CBFA2T2: variants seen among roughly 807,000 people sequenced by gnomAD.
CBFA2T2 encodes protein CBFA2T2.
A neutral mutation model predicts 62.2 loss-of-function variants in CBFA2T2; 11 were observed. That is an observed-to-expected ratio of 0.18 (90% CI 0.11 to 0.29). CBFA2T2 has a LOEUF of 0.29. Among genes scored for constraint, CBFA2T2 ranks in the 10% least tolerant of loss-of-function variants. The probability of loss-of-function intolerance (pLI) is 1.00; values close to 1 mark genes in which losing one functional copy is unlikely to be tolerated. For missense variants in CBFA2T2, 592 were observed against 774.1 expected, an observed-to-expected ratio of 0.76 and a Z score of 2.79; for synonymous variants, 295 against 287.5, an observed-to-expected ratio of 1.03 and a Z score of -0.27.
intron 5 of CBFA2T2, chr20:33,623,964 A>AG (rs1555847316): frequency 3.1e-5 from 19 of 604,364 alleles, no homozygotes; most frequent in African/African-American, 2.8e-4. Context: ...GAAAAAAAAA[A>AG]AAAAGAAAAG....
chr20:33,614,757 A>G (rs2015648462), intron 3 of CBFA2T2, among the ~76,000 whole-genome samples: 1 of 152,224 alleles, frequency 6.6e-6, no homozygotes, highest in African/African-American at 2.4e-5. Context: ...TTTAAGGCTA[A>G]TATTTCATTT....
chr20:33,644,068 C>T (rs1226875469), intron 10 of CBFA2T2, among the ~76,000 whole-genome samples: 1 of 151,696 alleles, frequency 6.6e-6, no homozygotes, highest in East Asian at 1.9e-4. Flanking sequence ...CTGCCCTAGG[C>T]TGGTGCTGTG....
chr20:33,503,400 G>A (rs189649864), intron 1 of CBFA2T2, among the ~76,000 whole-genome samples: 3 of 151,254 alleles, frequency 2.0e-5, no homozygotes, highest in African/African-American at 4.9e-5. Context: ...GATTACAGGC[G>A]CCCGCCATCA....
intron 1 of CBFA2T2, among the ~76,000 whole-genome samples, chr20:33,507,305 G>A (rs1290846217): frequency 1.1e-4 from 16 of 152,158 alleles, no homozygotes; most frequent in Non-Finnish European, 2.2e-4. Context: ...GAGATTGATA[G>A]CTTCAGTACC....
chr20:33,592,416 ATTATGTAAAAATTATATAT>A (rs2014696852), intron 1 of CBFA2T2, among the ~76,000 whole-genome samples: 1 of 147,600 alleles, frequency 6.8e-6, no homozygotes. Flanking sequence ...TATATATATA[ATTATGTAAAAATTATATAT>A]AATTATGTAA....
rs2017050393 is a variant in CBFA2T2, at chr20:33,646,380, C to G, written c.*1734C>G. The G allele has an allele frequency of 6.6e-6, 1 of 152,284 alleles. No homozygotes were observed. The allele number at this position is 152,284 out of a possible 1,614,324, so 9.4% of individuals were successfully genotyped here. On this transcript the variant is annotated 3_prime_UTR_variant, in exon 11 of 11. Coordinates refer to ENST00000342704, the MANE Select transcript of CBFA2T2 (RefSeq NM_001032999.3). ...TTTGAGCCTCTGGCATCCTCTCACA[C>G]CCAGAAATCAGTTGGAGTAAGTTTA...
intron 1 of CBFA2T2, among the ~76,000 whole-genome samples, chr20:33,526,163 A>G (rs1293309464): frequency 6.6e-6 from 1 of 152,248 alleles, no homozygotes; most frequent in Non-Finnish European, 1.5e-5. Flanking sequence ...CTGGGATTAC[A>G]GGCGTGAGCC....
At chr20:33,497,547 C>CTTTTTTTT (rs756491939) in intron 1 of CBFA2T2, among the ~76,000 whole-genome samples, 1 of 114,656 alleles carries the variant, frequency 8.7e-6, no homozygotes, top group African/African-American at 3.4e-5. Context: ...AGCTTGTATA[C>CTTTTTTTT]TTTTTTTTTT....
intron 3 of CBFA2T2, among the ~76,000 whole-genome samples, chr20:33,618,174 T>TG (rs2015781021): frequency 2.6e-5 from 2 of 76,352 alleles, no homozygotes; most frequent in Admixed American, 3.4e-4. Context: ...TATATTTTCC[T>TG]TTTTTTTTTT....
intron 1 of CBFA2T2, among the ~76,000 whole-genome samples, chr20:33,567,332 A>G (rs934746325): frequency 1.7e-4 from 26 of 152,280 alleles, no homozygotes; most frequent in African/African-American, 6.3e-4. Context: ...GCAGTTCTGT[A>G]TATGTATACA....
intron 1 of CBFA2T2, among the ~76,000 whole-genome samples, chr20:33,545,439 C>CTCTT (rs142619958): frequency 0.064 from 9,464 of 148,224 alleles, 327 homozygotes; most frequent in South Asian, 0.11. Context: ...CTCTTTCTTT[C>CTCTT]TCTTTCTTTC....
chr20:33,609,267 G>A (rs978466722), intron 2 of CBFA2T2, among the ~76,000 whole-genome samples: 9 of 152,142 alleles, frequency 5.9e-5, no homozygotes, highest in African/African-American at 2.2e-4. Flanking sequence ...TTGGGAGGCC[G>A]AGGAGGACAG....
intron 1 of CBFA2T2, among the ~76,000 whole-genome samples, chr20:33,537,670 A>G (rs993270048): frequency 6.6e-6 from 1 of 152,180 alleles, no homozygotes; most frequent in African/African-American, 2.4e-5. Flanking sequence ...ATTTTAATAC[A>G]TGGTATGAGA....
At position 33,526,977 on chromosome 20, in the gene CBFA2T2, G is replaced by T. The variant is rs138186238; in HGVS notation, c.34+36676G>T. On this transcript the variant is annotated intron_variant, in intron 1 of 10. Transcript: ENST00000342704. The stretch of plus-strand genomic sequence containing the variant: ...AGATCTCTACACCTGTCGTTATCTG[G>T]GTTTGTGATCATTCCAGTGTTTCCT... Among the ~76,000 whole-genome samples, 126 of 152,210 alleles carry T rather than the reference G, an allele frequency of 8.3e-4. 1 individual carries two copies. The highest frequency in any genetic ancestry group is 2.9e-3 in the African/African-American group (121 of 41,532).
chr20:33,526,607 T>G (rs1253909032), intron 1 of CBFA2T2, among the ~76,000 whole-genome samples: 2 of 152,170 alleles, frequency 1.3e-5, no homozygotes, highest in Non-Finnish European at 2.9e-5. Flanking sequence ...AATGAATACA[T>G]TTATTTTATG....
intron 1 of CBFA2T2, among the ~76,000 whole-genome samples, chr20:33,545,015 C>A (rs796407718): frequency 6.9e-4 from 80 of 115,180 alleles, no homozygotes; most frequent in African/African-American, 2.6e-3. Context: ...TAGAATAGAA[C>A]AGAACAGAAT....
At chr20:33,503,399 C>T (rs898451765) in intron 1 of CBFA2T2, among the ~76,000 whole-genome samples, 27 of 151,378 alleles carry the variant, frequency 1.8e-4, no homozygotes, top group Non-Finnish European at 3.8e-4. Context: ...GGATTACAGG[C>T]GCCCGCCATC....
intron 1 of CBFA2T2, among the ~76,000 whole-genome samples, chr20:33,535,611 T>A (rs1386144522): frequency 5.1e-4 from 75 of 146,588 alleles, no homozygotes; most frequent in African/African-American, 1.8e-3. Flanking sequence ...TATTTTTATT[T>A]TTTTATTTTT....
chr20:33,569,935 T>C (rs2013478029), intron 1 of CBFA2T2, among the ~76,000 whole-genome samples: 1 of 152,160 alleles, frequency 6.6e-6, no homozygotes, highest in African/African-American at 2.4e-5. Context: ...GGTGTGTGCC[T>C]CTTGTCTCAG....
Sources: allele counts gnomAD v4.1 joint callset (sites outside exome capture counted in the v4.1 genomes callset), GRCh38; gene constraint gnomAD v4.1.1; transcripts MANE v1.5; gene names NCBI Gene and HGNC (gene_info 2026-07-23, HGNC 2026-07-21).